TTN: variants seen among roughly 807,000 people sequenced by gnomAD.
TTN encodes connectin.
In TTN, 1,525 loss-of-function variants were observed where a neutral mutation model predicts 3,223.0. The observed-to-expected ratio is 0.47, with a 90% confidence interval of 0.45 to 0.49. The LOEUF is 0.49. Among genes scored for constraint, TTN ranks in the 20% least tolerant of loss-of-function variants. The pLI is 0.00. For missense variants in TTN, 40,786 were observed against 43,424.0 expected (o/e 0.94, Z 5.40); for synonymous variants, 14,094 against 15,161.0 (o/e 0.93, Z 5.17).
At position 178,631,280 on chromosome 2, in the gene TTN, C is replaced by T; in HGVS notation, c.43768G>A (p.Gly14590Arg). Residue 14590 changes from glycine (G) to arginine (R), a missense_variant, in exon 237 of 363, where the codon GGA becomes AGA. Transcript: ENST00000589042. ...ACACCAGTATAATCTTGAAGTTTTC[C>T]TGTAAAATATGGGTCTCCCTCTGCA... ...TVLEGDPYFTGKLQDYTGVEK... is the reference protein window; with the variant it reads ...TVLEGDPYFTRKLQDYTGVEK... The T allele has an allele frequency of 6.8e-6, 11 of 1,609,494 alleles. No homozygotes were observed. Among genetic ancestry groups the T allele is most frequent in the Non-Finnish European group, 8.5e-6 (10 of 1,178,508 alleles).
intron 81 of TTN, 39 bp from the exon 82 acceptor site, chr2:178,719,871 C>A (rs1377538168): frequency 1.3e-6 from 2 of 1,569,748 alleles, no homozygotes; most frequent in Non-Finnish European, 1.7e-6. Context: ...ACAAAGTAAC[C>A]TTTCAAACTC....
In TTN at chr2:178,779,428, A is replaced by G; in HGVS notation, c.3764T>C (p.Ile1255Thr). Residue 1255 changes from isoleucine to threonine, a missense_variant, in exon 23 of 363, where the codon ATT becomes ACT. By Grantham distance (89) the Ile-to-Thr change is moderately conservative. Coordinates refer to ENST00000589042, the MANE Select transcript of TTN (RefSeq NM_001267550.2). ...TATTATTCTATATTCAATTTCTTTAATAAGTCTCTCTTCAAAGGAAGAAAT... is the reference window on the plus strand; with the variant it reads ...TATTATTCTATATTCAATTTCTTTAGTAAGTCTCTCTTCAAAGGAAGAAAT... Reference protein sequence around the residue: ...FHISSFEERLIKEIEYRIIKT... With the variant: ...FHISSFEERLTKEIEYRIIKT... 6.4e-7 allele frequency: 1 copy of G among 1,570,588 alleles called. No individual in the cohort carries two copies. The highest frequency in any genetic ancestry group is 8.7e-7 in the Non-Finnish European group (1 of 1,143,432).
At position 178,592,880 on chromosome 2, in the gene TTN, G is replaced by A. The variant is rs369883019; in HGVS notation, c.59239C>T (p.Leu19747Phe). The change falls in exon 300 of 363, where the codon CTT (leucine) becomes TTT (phenylalanine). Residue 19747 changes from leucine to phenylalanine, a missense_variant. Transcript: ENST00000589042. ...CPETKYKVTG[L>F]RDGQTYKFRV... is the part of the protein sequence containing the mutation. ...AACTTATAGGTTTGACCGTCCCGAAGACCGGTGACTTTATATTTAGTTTCA... is the reference window on the plus strand; with the variant it reads ...AACTTATAGGTTTGACCGTCCCGAAAACCGGTGACTTTATATTTAGTTTCA... 2.5e-6 allele frequency: 4 copies of A among 1,613,324 alleles called. No individual in the cohort carries two copies. Among genetic ancestry groups the A allele is most frequent in the Non-Finnish European group, 3.4e-6 (4 of 1,179,592 alleles).
Position 178,779,040 on chromosome 2 carries a change from T to C in TTN, c.4042A>G (p.Ser1348Gly), listed in dbSNP as rs397517591. Residue 1348 changes from serine (S) to glycine (G), a missense_variant, in exon 24 of 363, where the codon AGT (serine) becomes GGT (glycine). Transcript: ENST00000589042. ...QMDFLQDGRASLRIPVVLPED... is the reference protein window; with the variant it reads ...QMDFLQDGRAGLRIPVVLPED... The stretch of plus-strand genomic sequence containing the variant: ...GGAAGAACAACAGGTATACGCAGAC[T>C]AGCTCTGCCATCTTGTAGAAAGTCC... 12 of 1,613,946 alleles carry C rather than the reference T, an allele frequency of 7.4e-6. No individual in the cohort carries two copies. The highest frequency in any genetic ancestry group is 5.0e-5 in the Admixed American group (3 of 59,990).
Position 178,663,915 on chromosome 2 carries a change from TAGTGAA to T in TTN, c.36365-19_36365-14del. 6.2e-7 allele frequency: 1 copy of T among 1,613,216 alleles called. No individual in the cohort carries two copies. Among genetic ancestry groups the T allele is most frequent in the East Asian group, 2.2e-5 (1 of 44,846 alleles). On this transcript the variant is annotated splice_polypyrimidine_tract_variant and intron_variant, in intron 169 of 362. Coordinates refer to ENST00000589042, the MANE Select transcript of TTN (RefSeq NM_001267550.2). ...GAAGCTTCTGGCACTTGAAAGATAT[TAGTGAA>T]ATTACATTTAGGTGTTATGAAGACC...
At position 178,573,861 on chromosome 2, in the gene TTN, C is replaced by G. The variant is rs878924658; in HGVS notation, c.72271G>C (p.Asp24091His). ...GCACCACTATCCCTTCTTGTTGAAT[C>G]TTTGTTTACCAGATTAGTAGAGAAA... is the stretch of plus-strand genomic sequence containing the variant. ...ADFSTNLVNK[D>H]STRRDSGAYT... The change falls in exon 326 of 363, where the codon GAT (aspartate) becomes CAT (histidine). Residue 24091 changes from aspartate to histidine, a missense_variant. Transcript: ENST00000589042. 15 of 1,610,722 alleles carry G rather than the reference C, an allele frequency of 9.3e-6. No individual in the cohort carries two copies. The highest frequency in any genetic ancestry group is 1.3e-5 in the Non-Finnish European group (15 of 1,177,602).
In TTN at chr2:178,680,060, A is replaced by T. The variant is rs778497003; in HGVS notation, c.33419-5T>A. 1.9e-6 allele frequency: 3 copies of T among 1,611,458 alleles called. No homozygotes were observed. The highest frequency in any genetic ancestry group is 1.7e-6 in the Non-Finnish European group (2 of 1,179,098). ...GTTCTTTAGGCACTTCTGGCACTTT[A>T]AAGATATTATCTTTAAGTTGGACAT... On this transcript the variant is annotated splice_region_variant and splice_polypyrimidine_tract_variant and intron_variant, in intron 139 of 362. Transcript: ENST00000589042.
rs1575845249 is a variant in TTN, at chr2:178,578,201, G to A, written c.68330-16C>T. On this transcript the variant is annotated splice_polypyrimidine_tract_variant and intron_variant, in intron 321 of 362. Coordinates refer to ENST00000589042, the MANE Select transcript of TTN (RefSeq NM_001267550.2). ...AGATGATACCCTACAAAAGACCCAG[G>A]GATGTATCAAGTATAAATGCAGCTT... 2.5e-6 allele frequency: 4 copies of A among 1,602,596 alleles called. No homozygotes were observed. The highest frequency in any genetic ancestry group is 3.4e-6 in the Non-Finnish European group (4 of 1,177,154).
chr2:178,621,705 A>G lies in TTN; in HGVS notation c.45119T>C (p.Ile15040Thr), dbSNP rs1334750715. ...EAVFTKNLAN[I>T]EVSETDTIKL... ...TATAGTGTCTGTTTCACTAACTTCA[A>G]TGTTGGCAAGATTTTTGGTAAAGAC... Residue 15040 changes from isoleucine to threonine, a missense_variant, in exon 245 of 363, where the codon ATT (isoleucine) becomes ACT (threonine). Transcript: ENST00000589042. 4 of 1,611,806 alleles carry G rather than the reference A, an allele frequency of 2.5e-6. No homozygotes were observed. The highest frequency in any genetic ancestry group is 2.2e-5 in the East Asian group (1 of 44,556).
chr2:178,703,088 A>G (rs1299270578), intron 106 of TTN, among the ~76,000 whole-genome samples: 6 of 152,206 alleles, frequency 3.9e-5, no homozygotes, highest in Non-Finnish European at 5.9e-5. Flanking sequence ...TTTATCTAAT[A>G]TGTATAACTT....
chr2:178,600,075 T>TAATGA (rs2052899615), intron 288 of TTN, among the ~76,000 whole-genome samples: 1 of 151,978 alleles, frequency 6.6e-6, no homozygotes, highest in African/African-American at 2.4e-5. Context: ...GTATCTGTGC[T>TAATGA]TGCCTCACTT....
chr2:178,747,910 C>G, intron 47 of TTN: 1 of 1,613,152 alleles, frequency 6.2e-7, no homozygotes, highest in South Asian at 1.1e-5. Flanking sequence ...GTGGGAAGCA[C>G]TGACTCAGGG....
chr2:178,770,228 C>G lies in TTN; in HGVS notation c.8473G>C (p.Val2825Leu). 2.5e-6 allele frequency: 4 copies of G among 1,614,152 alleles called. No homozygotes were observed. The highest frequency in any genetic ancestry group is 3.4e-6 in the Non-Finnish European group (4 of 1,180,018). ...EVSVSHDTVP[V>L]KWFHKSVEIK... ...TCCACACTCTTATGGAACCATTTTA[C>G]TGGAACAGTGTCATGGGAAACACTA... The change falls in exon 36 of 363, where the codon GTA becomes CTA. Residue 2825 changes from valine (V) to leucine (L), a missense_variant. By Grantham distance (32) the Val-to-Leu change is conservative. Coordinates refer to ENST00000589042, the MANE Select transcript of TTN (RefSeq NM_001267550.2).
At chr2:178,689,000 AAG>A in intron 125 of TTN, 51 bp downstream of exon 125, 1 of 1,435,928 alleles carries the variant, frequency 7.0e-7, no homozygotes, top group Non-Finnish European at 9.7e-7. Flanking sequence ...AACACACTCG[AAG>A]ATTTTTTTTT....
In TTN at chr2:178,546,029, C is replaced by T. The variant is rs1401862112; in HGVS notation, c.95207G>A (p.Gly31736Glu). 6.2e-7 allele frequency: 1 copy of T among 1,613,674 alleles called. No individual in the cohort carries two copies. Among genetic ancestry groups the T allele is most frequent in the Non-Finnish European group, 8.5e-7 (1 of 1,179,772 alleles). Residue 31736 changes from glycine (G) to glutamate (E), a missense_variant, in exon 343 of 363, where the codon GGA becomes GAA. Coordinates refer to ENST00000589042, the MANE Select transcript of TTN (RefSeq NM_001267550.2). ...GATGTAGTGAGTGATTTCTGCTCCT[C>T]CGTCTTCCTGCGGAAGGCTCCAGGC... Reference protein sequence around the residue: ...TLAWSLPQEDGGAEITHYIVE... With the variant: ...TLAWSLPQEDEGAEITHYIVE...
intron 355 of TTN, 46 bp downstream of exon 355, chr2:178,537,296 T>C: frequency 6.5e-7 from 1 of 1,527,604 alleles, no homozygotes; most frequent in Non-Finnish European, 8.8e-7. Context: ...TTTTGAGATT[T>C]TTTTTTCTTT....
At position 178,573,507 on chromosome 2, in the gene TTN, G is replaced by A. The variant is rs779718555; in HGVS notation, c.72625C>T (p.Leu24209=). ...AVNKYGVGEP[L]ESEPVLAVNP... is the part of the protein sequence containing the mutation. Reference sequence around the variant, plus strand: ...ACTGCAAGCACAGGCTCTGATTCCAGTGGCTCTCCCACTCCATATTTATTT... The same window carrying A: ...ACTGCAAGCACAGGCTCTGATTCCAATGGCTCTCCCACTCCATATTTATTT... Residue 24209 remains leucine, a synonymous_variant, in exon 326 of 363, where the codon CTG becomes TTG. Coordinates refer to ENST00000589042, the MANE Select transcript of TTN (RefSeq NM_001267550.2). 5 of 1,497,986 alleles carry A rather than the reference G, an allele frequency of 3.3e-6. No homozygotes were observed. The highest frequency in any genetic ancestry group is 1.5e-5 in the South Asian group (1 of 68,630). The allele number at this position is 1,497,986 out of a possible 1,614,324, so 92.8% of individuals were successfully genotyped here.
Position 178,677,818 on chromosome 2 carries a change from G to A in TTN, c.34094C>T (p.Pro11365Leu). 2 of 1,612,620 alleles carry A rather than the reference G, an allele frequency of 1.2e-6. No individual in the cohort carries two copies. Among genetic ancestry groups the A allele is most frequent in the South Asian group, 1.1e-5 (1 of 90,884 alleles). ...CTCAGGTAGAACTTCCTCTTCCTCA[G>A]GTAGAACTTCCTCTTCAGGAACAAT... ...EEIVPEEEVL[P>L]EEEEVLPEEE... Residue 11365 changes from proline (P) to leucine (L), a missense_variant, in exon 146 of 363, where the codon CCT becomes CTT. Transcript: ENST00000589042.
Position 178,802,256 on chromosome 2 carries a change from G to A in TTN, c.177C>T (p.Ser59=), listed in dbSNP as rs191057824. 198 of 1,614,102 alleles carry A rather than the reference G, an allele frequency of 1.2e-4. No homozygotes were observed. In the Admixed American group the frequency reaches 2.7e-3, roughly 22 times the overall value. ...STLPGVQISF[S]DGRAKLTIPA... The stretch of plus-strand genomic sequence containing the variant: ...GGATCGTCAGTTTAGCGCGGCCATC[G>A]CTAAAGGAGATCTGCACGCCGGGCA... Residue 59 remains serine, a synonymous_variant, in exon 3 of 363, where the codon AGC becomes AGT. Coordinates refer to ENST00000589042, the MANE Select transcript of TTN (RefSeq NM_001267550.2).
Sources: allele counts gnomAD v4.1 joint callset (sites outside exome capture counted in the v4.1 genomes callset), GRCh38; gene constraint gnomAD v4.1.1; transcripts MANE v1.5; gene names NCBI Gene and HGNC (gene_info 2026-07-23, HGNC 2026-07-21).